GCA: variants seen among roughly 807,000 people sequenced by gnomAD.
GCA encodes grancalcin, also known as grancalcin, EF-hand calcium-binding protein.
Under a neutral mutation model 32.6 loss-of-function variants are expected in GCA, and 30 were observed. The observed-to-expected ratio is 0.92, with a 90% CI of 0.69 to 1.25. GCA has a LOEUF of 1.25. Ranked by LOEUF, GCA falls within the 50% of genes most tolerant of loss-of-function variation. GCA has a pLI of 0.00. For missense variants in GCA, 291 were observed against 266.8 expected (o/e 1.09, Z -0.63); for synonymous variants, 102 against 84.6 (o/e 1.21, Z -1.13).
chr2:162,365,836 T>C (rs1422101905), downstream of GCA, among the ~76,000 whole-genome samples: 1 of 151,650 alleles, frequency 6.6e-6, no homozygotes, highest in Non-Finnish European at 1.5e-5. Context: ...AGATGCCATA[T>C]CATTTCAGTG....
intron 1 of GCA, among the ~76,000 whole-genome samples, chr2:162,334,333 G>T (rs936556465): frequency 6.6e-6 from 1 of 152,018 alleles, no homozygotes; most frequent in African/African-American, 2.4e-5. Flanking sequence ...TAAAATCATG[G>T]CTATAATTTC....
At chr2:162,370,874 C>T (rs960050676) in intron 4 of GCA, among the ~76,000 whole-genome samples, 9 of 152,030 alleles carry the variant, frequency 5.9e-5, no homozygotes, top group Admixed American at 2.6e-4. Flanking sequence ...ACCCATCCTC[C>T]CACCTCAGTC....
At chr2:162,335,160 C>T (rs889947887) in intron 1 of GCA, among the ~76,000 whole-genome samples, 19 of 152,132 alleles carry the variant, frequency 1.2e-4, no homozygotes, top group Admixed American at 9.2e-4. Context: ...CAGAGAAATC[C>T]TAGCACTTTG....
At position 162,361,456 on chromosome 2, in the gene GCA, G is replaced by A; in HGVS notation, c.*1213G>A. The A allele has an allele frequency of 1.0e-6, 1 of 976,926 alleles. No homozygotes were observed. Among genetic ancestry groups the A allele is most frequent in the Non-Finnish European group, 1.2e-6 (1 of 822,548 alleles). 60.5% of individuals were successfully genotyped at this position (976,926 alleles called of 1,614,324 possible). A position where few individuals can be genotyped will look rare whatever the true frequency, so the allele number is the denominator to read the frequency against. ...TGTATTTTCTAACCTAACAGTGAGT[G>A]ACATAATTTTATGACTGCTGACCAA... On this transcript the variant is annotated 3_prime_UTR_variant, in exon 8 of 8. Transcript: ENST00000437150.
At position 162,347,626 on chromosome 2, in the gene GCA, G is replaced by C; in HGVS notation, c.76G>C (p.Val26Leu). Reference protein sequence around the residue: ...QVPGMQMGQPVPETGPAILLD... With the variant: ...QVPGMQMGQPLPETGPAILLD... The stretch of plus-strand genomic sequence containing the variant: ...GCCAGGAATGCAGATGGGACAGCCA[G>C]TGCCAGAAACAGGCCCAGCTATACT... Residue 26 changes from valine to leucine, a missense_variant, in exon 2 of 8, where the codon GTG becomes CTG. By Grantham distance (32) the Val-to-Leu change is conservative. Transcript: ENST00000437150. 2 of 1,610,528 alleles carry C rather than the reference G, an allele frequency of 1.2e-6. No homozygotes were observed. The highest frequency in any genetic ancestry group is 1.7e-6 in the Non-Finnish European group (2 of 1,177,624).
Position 162,360,879 on chromosome 2 carries a change from T to C in GCA, c.*636T>C. ...TTGTATTATATATTTTTCTTAAATA[T>C]GTTTTATTGTCTTCTCTAAGCAAAA... On this transcript the variant is annotated 3_prime_UTR_variant, in exon 8 of 8. Transcript: ENST00000437150. The C allele has an allele frequency of 9.0e-7, 1 of 1,110,034 alleles. No homozygotes were observed. The highest frequency in any genetic ancestry group is 1.1e-6 in the Non-Finnish European group (1 of 885,592). The allele number at this position is 1,110,034 out of a possible 1,614,324, so 68.8% of individuals were successfully genotyped here. A position where few individuals can be genotyped will look rare whatever the true frequency, so the allele number is the denominator to read the frequency against.
chr2:162,332,881 G>A (rs1258056695), intron 1 of GCA, among the ~76,000 whole-genome samples: 1 of 152,018 alleles, frequency 6.6e-6, no homozygotes, highest in Non-Finnish European at 1.5e-5. Flanking sequence ...ATGGAGAGAG[G>A]CTCAATGGGT....
At chr2:162,371,086 C>T (rs562199370) in intron 4 of GCA, among the ~76,000 whole-genome samples, 3 of 152,120 alleles carry the variant, frequency 2.0e-5, no homozygotes, top group Non-Finnish European at 4.4e-5. Context: ...CACCATCCCC[C>T]GCCTCCAGAA....
chr2:162,329,978 T>C (rs527257792), intron 1 of GCA, among the ~76,000 whole-genome samples: 4 of 152,310 alleles, frequency 2.6e-5, no homozygotes, highest in South Asian at 4.1e-4. Context: ...TCTAGCTCCA[T>C]CCACGTCCGT....
At chr2:162,344,470 GT>G in intron 1 of GCA, 195 bp downstream of exon 1, 1 of 597,660 alleles carries the variant, frequency 1.7e-6, no homozygotes. Flanking sequence ...GGAGCCGCAG[GT>G]TTTCTGGTCG....
At chr2:162,319,174 C>T (rs1413379783) in exon 1 of GCA, 1 of 456,878 alleles carries the variant, frequency 2.2e-6, no homozygotes, top group South Asian at 1.5e-5. Flanking sequence ...TAAAATAAAC[C>T]TGACCTCCTG....
chr2:162,343,131 G>A (rs1412689650), upstream of GCA, among the ~76,000 whole-genome samples: 1 of 152,194 alleles, frequency 6.6e-6, no homozygotes, highest in Non-Finnish European at 1.5e-5. Context: ...TTTGTGAATA[G>A]TTAACATTTT....
intron 2 of GCA, among the ~76,000 whole-genome samples, chr2:162,349,668 T>C (rs1684891649): frequency 6.6e-6 from 1 of 152,142 alleles, no homozygotes; most frequent in African/African-American, 2.4e-5. Flanking sequence ...GAAAATCATC[T>C]TGAAGGAGTT....
exon 5 of GCA, chr2:162,371,578 A>C (rs1486144627): frequency 5.8e-6 from 5 of 862,146 alleles, no homozygotes; most frequent in Non-Finnish European, 8.0e-6. Context: ...TGATTTAAAA[A>C]ATAAAAATAA....
intron 1 of GCA, among the ~76,000 whole-genome samples, chr2:162,347,036 C>A (rs978427076): frequency 2.6e-5 from 4 of 152,122 alleles, no homozygotes; most frequent in Non-Finnish European, 5.9e-5. Flanking sequence ...TTTTGCTTCC[C>A]GCCCCTTAAA....
rs568907529 is a variant in GCA, at chr2:162,346,267, A to G, written c.28-1311A>G. Among the ~76,000 whole-genome samples the G allele has an allele frequency of 2.0e-5, 3 of 152,334 alleles. No individual in the cohort carries two copies. The South Asian group carries it at 6.2e-4, about 32-fold the overall frequency. The stretch of plus-strand genomic sequence containing the variant: ...ACTTAAACAGATTAGATTTTCACAC[A>G]AGAAATAGCATACAAAATCAATTCA... On this transcript the variant is annotated intron_variant, in intron 1 of 7. Coordinates refer to ENST00000437150, the MANE Select transcript of GCA (RefSeq NM_012198.5).
chr2:162,352,383 T>C lies in GCA; in HGVS notation c.238T>C (p.Ser80Pro). The C allele has an allele frequency of 5.0e-6, 8 of 1,586,040 alleles. No homozygotes were observed. Among genetic ancestry groups the C allele is most frequent in the South Asian group, 1.1e-5 (1 of 90,512 alleles). The change falls in exon 3 of 8, where the codon TCT (serine) becomes CCT (proline). Residue 80 changes from serine to proline, a missense_variant. By Grantham distance (74) the Ser-to-Pro change is moderately conservative (BLOSUM62 -1). Coordinates refer to ENST00000437150, the MANE Select transcript of GCA (RefSeq NM_012198.5). ...AEELQRCLTQ[S>P]GINGTYSPFS... ...AGAACTTCAGAGATGTTTGACACAGTCTGGAATTAATGGAACTTACTCTCG... is the reference window on the plus strand; with the variant it reads ...AGAACTTCAGAGATGTTTGACACAGCCTGGAATTAATGGAACTTACTCTCG...
chr2:162,348,095 A>G (rs369452612), intron 2 of GCA, among the ~76,000 whole-genome samples: 1 of 152,108 alleles, frequency 6.6e-6, no homozygotes, highest in Non-Finnish European at 1.5e-5. Flanking sequence ...ATATCTTCTT[A>G]TGAGTTATAA....
chr2:162,373,389 G>A (rs950033633), downstream of GCA: 27 of 1,009,696 alleles, frequency 2.7e-5, no homozygotes, highest in Middle Eastern at 9.6e-4. Flanking sequence ...CTTTTCCACA[G>A]CACCCCAAGT....
Sources: gnomAD v4.1 joint callset for allele counts (sites outside exome capture counted in the v4.1 genomes callset) on GRCh38, gnomAD v4.1.1 for gene constraint, MANE v1.5 for transcripts, NCBI Gene and HGNC (gene_info 2026-07-23, HGNC 2026-07-21) for gene names.